KALRN: variants seen among roughly 807,000 people sequenced by gnomAD.
KALRN encodes kalirin.
A neutral mutation model predicts 353.7 loss-of-function variants in KALRN; 70 were observed. The ratio of observed to expected loss-of-function variants is 0.20; its 90% CI spans 0.16 to 0.24. KALRN has a LOEUF of 0.24. Among genes scored for constraint, KALRN ranks in the 10% least tolerant of loss-of-function variants. The pLI is 1.00. For missense variants in KALRN, 2,791 were observed against 3,756.7 expected, an observed-to-expected ratio of 0.74 and a Z score of 6.72; for synonymous variants, 1,391 against 1,434.8, an observed-to-expected ratio of 0.97 and a Z score of 0.69.
At position 124,405,189 on chromosome 3, in the gene KALRN, T is replaced by C. The variant is rs2091377114; in HGVS notation, c.2346+6318T>C. Among the ~76,000 whole-genome samples the C allele has an allele frequency of 2.6e-5, 4 of 152,232 alleles. No homozygotes were observed. The South Asian group carries it at 8.3e-4, about 32-fold the overall frequency. On this transcript the variant is annotated intron_variant, in intron 13 of 59. Coordinates refer to ENST00000682506, the MANE Select transcript of KALRN (RefSeq NM_001388419.1). ...TGGGAGGTTTTCCCTACTATCGTCC[T>C]TTTTTAAAAAAATCAGGATTTTTCA...
chr3:124,709,861 T>C (rs2062810276), intron 57 of KALRN, among the ~76,000 whole-genome samples: 1 of 152,176 alleles, frequency 6.6e-6, no homozygotes. Context: ...AAATAGATCA[T>C]ACTGCAGCAC....
chr3:124,187,293 G>A (rs959538701), intron 1 of KALRN, among the ~76,000 whole-genome samples: 1 of 152,072 alleles, frequency 6.6e-6, no homozygotes, highest in Non-Finnish European at 1.5e-5. Context: ...TTTTAGCCAG[G>A]CTGGTCTGGA....
At chr3:124,093,150 C>T (rs754800175) in intron 1 of KALRN, among the ~76,000 whole-genome samples, 26 of 152,166 alleles carry the variant, frequency 1.7e-4, no homozygotes, top group Admixed American at 5.9e-4. Flanking sequence ...CCCTCTCCCT[C>T]CTTGCTCCTA....
At chr3:124,384,712 G>T in intron 10 of KALRN, 133 bp from the exon 11 acceptor site, 2 of 824,764 alleles carry the variant, frequency 2.4e-6, no homozygotes, top group Admixed American at 5.9e-5. Context: ...TCCGCGCACC[G>T]CGCCTCAGTG....
At chr3:124,510,245 A>C (rs1434676120) in intron 33 of KALRN, among the ~76,000 whole-genome samples, 2 of 152,194 alleles carry the variant, frequency 1.3e-5, no homozygotes, top group East Asian at 3.9e-4. Flanking sequence ...ATTTTACTGA[A>C]TGGGTAGAAT....
chr3:124,209,535 T>G (rs2076723443), intron 1 of KALRN, among the ~76,000 whole-genome samples: 1 of 150,198 alleles, frequency 6.7e-6, no homozygotes, highest in African/African-American at 2.4e-5. Context: ...CTAACTGTTG[T>G]GTCCACCCAC....
At chr3:124,429,111 T>C (rs2093160302) in intron 15 of KALRN, among the ~76,000 whole-genome samples, 1 of 152,182 alleles carries the variant, frequency 6.6e-6, no homozygotes, top group Non-Finnish European at 1.5e-5. Context: ...CCAGCCACAG[T>C]CCACCAGTGA....
intron 1 of KALRN, among the ~76,000 whole-genome samples, chr3:124,164,970 G>A (rs997510741): frequency 2.6e-5 from 4 of 152,178 alleles, no homozygotes; most frequent in Non-Finnish European, 1.5e-5. Context: ...TTTGTAAAAT[G>A]AGGGGGGCTC....
At chr3:124,220,946 A>T (rs2077840490) in intron 1 of KALRN, among the ~76,000 whole-genome samples, 1 of 152,234 alleles carries the variant, frequency 6.6e-6, no homozygotes, top group Non-Finnish European at 1.5e-5. Flanking sequence ...AGCCCTGTTC[A>T]GGAGCCACAG....
intron 27 of KALRN, among the ~76,000 whole-genome samples, chr3:124,481,353 C>T (rs905637615): frequency 3.3e-5 from 5 of 152,122 alleles, no homozygotes; most frequent in East Asian, 1.9e-4. Flanking sequence ...ACTACAGGCA[C>T]GTGCCACCAT....
At chr3:124,176,877 G>A (rs1560153429) in intron 1 of KALRN, among the ~76,000 whole-genome samples, 2 of 152,168 alleles carry the variant, frequency 1.3e-5, no homozygotes, top group Admixed American at 6.5e-5. Context: ...TGTTGGTGTT[G>A]GGAGGGAACT....
intron 14 of KALRN, among the ~76,000 whole-genome samples, chr3:124,415,770 G>A (rs2092461710): frequency 6.6e-6 from 1 of 152,210 alleles, no homozygotes. Context: ...GACCCAACAT[G>A]TTGCTACTCA....
At chr3:124,594,456 C>A (rs184205142) in intron 34 of KALRN, among the ~76,000 whole-genome samples, 3 of 152,232 alleles carry the variant, frequency 2.0e-5, no homozygotes, top group Admixed American at 2.0e-4. Flanking sequence ...GATCTCTTGA[C>A]CTTGTGATCC....
chr3:124,348,960 C>T (rs1304872221), intron 10 of KALRN, among the ~76,000 whole-genome samples: 1 of 152,156 alleles, frequency 6.6e-6, no homozygotes, highest in Non-Finnish European at 1.5e-5. Flanking sequence ...CTCAAGTGAT[C>T]CACCCACCTC....
chr3:124,080,378 T>C (rs756603929), intron 1 of KALRN, among the ~76,000 whole-genome samples: 17 of 152,240 alleles, frequency 1.1e-4, no homozygotes, highest in Non-Finnish European at 1.6e-4. Context: ...TTGAACTCCA[T>C]ACCAACTCAG....
chr3:124,390,511 A>G (rs902142532), intron 11 of KALRN, among the ~76,000 whole-genome samples: 2 of 152,164 alleles, frequency 1.3e-5, no homozygotes, highest in Non-Finnish European at 2.9e-5. Flanking sequence ...TTCAAGAGAG[A>G]TGATGGCTTT....
chr3:124,704,268 C>T (rs1373871874), intron 57 of KALRN, among the ~76,000 whole-genome samples: 2 of 152,182 alleles, frequency 1.3e-5, no homozygotes, highest in Non-Finnish European at 2.9e-5. Context: ...GGTTTCATCA[C>T]CCGGATGCCC....
intron 1 of KALRN, among the ~76,000 whole-genome samples, chr3:124,043,045 G>C (rs1226752282): frequency 6.6e-6 from 1 of 152,148 alleles, no homozygotes; most frequent in Non-Finnish European, 1.5e-5. Flanking sequence ...AGCAATACTT[G>C]GGAAACACAG....
intron 1 of KALRN, among the ~76,000 whole-genome samples, chr3:124,077,716 G>A (rs568641759): frequency 2.8e-4 from 43 of 152,258 alleles, no homozygotes; most frequent in African/African-American, 7.5e-4. Flanking sequence ...CCCCATTACC[G>A]TCTGATACGT....
Sources: gnomAD v4.1 joint callset for allele counts (sites outside exome capture counted in the v4.1 genomes callset) on GRCh38, gnomAD v4.1.1 for gene constraint, MANE v1.5 for transcripts, NCBI Gene and HGNC (gene_info 2026-07-23, HGNC 2026-07-21) for gene names.